SLIT1: variants seen among roughly 807,000 people sequenced by gnomAD.
SLIT1 encodes slit guidance ligand 1, also known as slit homolog 1 protein.
A neutral mutation model predicts 186.1 loss-of-function variants in SLIT1; 66 were observed. The observed-to-expected ratio is 0.35, with a 90% CI of 0.29 to 0.44. The LOEUF (loss-of-function observed/expected upper bound fraction) is 0.44, where lower values mean the gene tolerates loss of function less well. Among genes scored for constraint, SLIT1 ranks in the 20% least tolerant of loss-of-function variants. The probability of loss-of-function intolerance (pLI) is 1.00; values close to 1 mark genes in which losing one functional copy is unlikely to be tolerated. For synonymous variants in SLIT1, 761 were observed against 833.8 expected, an observed-to-expected ratio of 0.91 and a Z score of 1.50; for missense variants, 1,638 against 2,037.4, an observed-to-expected ratio of 0.80 and a Z score of 3.77.
intron 27 of SLIT1, 30 bp downstream of exon 27, chr10:97,018,953 T>TC: frequency 7.1e-7 from 1 of 1,407,352 alleles, no homozygotes; most frequent in Non-Finnish European, 1.0e-6. Flanking sequence ...CGAAGAGCCC[T>TC]CCTCCTCCCC....
chr10:97,087,464 C>T (rs1849175058), intron 4 of SLIT1, among the ~76,000 whole-genome samples: 1 of 152,250 alleles, frequency 6.6e-6, no homozygotes, highest in African/African-American at 2.4e-5. Flanking sequence ...CTCAAGCCTC[C>T]TGATAATAAC....
chr10:97,047,934 T>C (rs764895441), intron 15 of SLIT1, 39 bp downstream of exon 15: 22 of 1,613,756 alleles, frequency 1.4e-5, no homozygotes, highest in Non-Finnish European at 1.9e-5. Flanking sequence ...ACTACCACCA[T>C]TCCCGCCAGG....
Position 97,018,599 on chromosome 10 carries a change from C to G in SLIT1, c.2956G>C (p.Asp986His). Residue 986 changes from aspartate (D) to histidine (H), a missense_variant, in exon 28 of 37, where the codon GAT (aspartate) becomes CAT (histidine). Asp to His is a moderately conservative substitution (Grantham distance 81). Transcript: ENST00000266058. ...GGTCHAQEGE[D>H]APFTCSCPTG... Reference sequence around the variant, plus strand: ...CAGGTAACTCACGTGAACGGGGCATCCTCGCCCTCCTGTGCATGGCAGGTG... The same window carrying G: ...CAGGTAACTCACGTGAACGGGGCATGCTCGCCCTCCTGTGCATGGCAGGTG... The G allele has an allele frequency of 6.3e-7, 1 of 1,584,872 alleles. No homozygotes were observed.
chr10:97,134,724 G>T (rs1487734846), intron 4 of SLIT1, among the ~76,000 whole-genome samples: 1 of 152,310 alleles, frequency 6.6e-6, no homozygotes, highest in East Asian at 1.9e-4. Flanking sequence ...CCGTTTGGGG[G>T]ACTTCCATTG....
At chr10:97,142,880 C>A (rs185944935) in intron 4 of SLIT1, among the ~76,000 whole-genome samples, 1 of 152,218 alleles carries the variant, frequency 6.6e-6, no homozygotes, top group African/African-American at 2.4e-5. Flanking sequence ...GTGCTCAACA[C>A]AACTAAGATG....
chr10:97,142,041 A>C (rs1298457290), intron 4 of SLIT1, among the ~76,000 whole-genome samples: 1 of 152,076 alleles, frequency 6.6e-6, no homozygotes, highest in Non-Finnish European at 1.5e-5. Context: ...GGACTCAAGC[A>C]ATCCTCCCAC....
intron 23 of SLIT1, among the ~76,000 whole-genome samples, chr10:97,032,473 G>T (rs1190563329): frequency 6.6e-6 from 1 of 151,934 alleles, no homozygotes; most frequent in Non-Finnish European, 1.5e-5. Context: ...AGAGGCTGAG[G>T]CAGGGGAATC....
At chr10:97,179,923 A>G (rs1169987859) in intron 1 of SLIT1, among the ~76,000 whole-genome samples, 1 of 152,210 alleles carries the variant, frequency 6.6e-6, no homozygotes, top group African/African-American at 2.4e-5. Context: ...CCCATTAAGC[A>G]AGAGCCCCGC....
rs1357482211 is a variant in SLIT1, at chr10:97,184,386, T to C, written c.197+1092A>G. ...AGCCCTGTTCAAAAATCTCCTGGTGTAGTCACCTCTGCGAGCAGTACAAAG... is the reference window on the plus strand; with the variant it reads ...AGCCCTGTTCAAAAATCTCCTGGTGCAGTCACCTCTGCGAGCAGTACAAAG... On this transcript the variant is annotated intron_variant, in intron 1 of 36. Transcript: ENST00000266058. This position sits in a 1 kb window ranked among gnomAD's most constrained non-coding sequence, Gnocchi z 4.4. Among the ~76,000 whole-genome samples the C allele has an allele frequency of 6.6e-6, 1 of 152,058 alleles. No homozygotes were observed. Among genetic ancestry groups the C allele is most frequent in the Non-Finnish European group, 1.5e-5 (1 of 68,016 alleles).
chr10:97,173,275 AT>A (rs1850214464), intron 1 of SLIT1, among the ~76,000 whole-genome samples: 1 of 152,194 alleles, frequency 6.6e-6, no homozygotes, highest in Admixed American at 6.5e-5. Flanking sequence ...GGTCCCTTCC[AT>A]GGGGCAGCAC....
intron 21 of SLIT1, among the ~76,000 whole-genome samples, chr10:97,038,645 C>T (rs1848663161): frequency 6.6e-6 from 1 of 152,144 alleles, no homozygotes; most frequent in Non-Finnish European, 1.5e-5. Flanking sequence ...AGGAGCTGAG[C>T]CAAGCTGAGC....
chr10:97,158,021 C>A, intron 3 of SLIT1, 132 bp from the exon 4 acceptor site: 1 of 717,286 alleles, frequency 1.4e-6, no homozygotes, highest in South Asian at 1.6e-5. Context: ...TGTGGCATCC[C>A]AGGGAAATTA....
chr10:97,131,100 G>GC (rs1236704868), intron 4 of SLIT1, among the ~76,000 whole-genome samples: 2 of 152,286 alleles, frequency 1.3e-5, no homozygotes, highest in East Asian at 3.9e-4. Context: ...AGCAGGCCGA[G>GC]CAAGGGCATT....
At chr10:97,143,431 C>T (rs894504324) in intron 4 of SLIT1, among the ~76,000 whole-genome samples, 1 of 152,168 alleles carries the variant, frequency 6.6e-6, no homozygotes, top group Non-Finnish European at 1.5e-5. Context: ...CTAAAGTAGT[C>T]AAATTCATAG....
intron 23 of SLIT1, among the ~76,000 whole-genome samples, chr10:97,032,422 A>G (rs368022051): frequency 2.4e-4 from 36 of 152,184 alleles, no homozygotes; most frequent in African/African-American, 8.4e-4. Context: ...TACAAATATT[A>G]GCCAGGCATG....
rs1564650853 is a variant in SLIT1, at chr10:97,002,253, CCTCTGCAGGG to C, written c.4261_4270del (p.Pro1421AlafsTer80). ...GCAGTGGCCATGCAGGCACTGCAGG[CCTCTGCAGGG>C]CTCTGCCAGGGCCCCGGCCTGGTTG... On this transcript the variant is annotated frameshift_variant, in exon 36 of 37. Coordinates refer to ENST00000266058, the MANE Select transcript of SLIT1 (RefSeq NM_003061.3). LOFTEE classifies it high-confidence loss of function. The C allele has an allele frequency of 1.9e-6, 3 of 1,601,942 alleles. No homozygotes were observed. The highest frequency in any genetic ancestry group is 2.6e-6 in the Non-Finnish European group (3 of 1,174,336).
At chr10:97,179,415 A>T (rs889656633) in intron 1 of SLIT1, among the ~76,000 whole-genome samples, 1 of 152,196 alleles carries the variant, frequency 6.6e-6, no homozygotes, top group Non-Finnish European at 1.5e-5. Flanking sequence ...GAACATAGTG[A>T]GATCCCGTCT....
chr10:97,011,979 A>G (rs1268736079), intron 30 of SLIT1, among the ~76,000 whole-genome samples: 2 of 151,752 alleles, frequency 1.3e-5, no homozygotes, highest in Non-Finnish European at 2.9e-5. Context: ...CTGAAGCTCA[A>G]CCATGCAACC....
chr10:97,049,191 C>A (rs1848765536), intron 13 of SLIT1, 73 bp from the exon 14 acceptor site: 2 of 1,531,062 alleles, frequency 1.3e-6, no homozygotes, highest in Non-Finnish European at 1.8e-6. Context: ...CGGGACAGGG[C>A]CTCGTTGTGG....
Sources: gnomAD v4.1 joint callset for allele counts (sites outside exome capture counted in the v4.1 genomes callset) on GRCh38, gnomAD v4.1.1 for gene constraint, Gnocchi (gnomAD v3.1) non-coding constraint, MANE v1.5 for transcripts, NCBI Gene and HGNC (gene_info 2026-07-23, HGNC 2026-07-21) for gene names.